Variants in FAM228B observed in about 807,000 individuals in gnomAD.
The protein encoded by FAM228B is family with sequence similarity 228 member B.
FAM228B carries 38 observed loss-of-function variants against 42.6 expected under a neutral mutation model. That is an observed-to-expected ratio of 0.89 (90% CI 0.69 to 1.17). FAM228B has a LOEUF of 1.17. Ranked by LOEUF, FAM228B falls within the 50% of genes most tolerant of loss-of-function variation. FAM228B has a pLI of 0.00. For synonymous variants in FAM228B, 109 were observed against 122.3 expected (o/e 0.89, Z 0.72); for missense variants, 344 against 367.3 (o/e 0.94, Z 0.52).
At chr2:24,161,478 CCTT>C (rs1157655899) in intron 7 of FAM228B, 25 bp from the exon 8 acceptor site, 5 of 1,309,550 alleles carry the variant, frequency 3.8e-6, no homozygotes, top group Non-Finnish European at 5.3e-6. Flanking sequence ...AACAAAAAAA[CCTT>C]CTCACACTTG....
chr2:24,077,281 C>T lies in FAM228B; in HGVS notation c.-290+312C>T, dbSNP rs1234867361. Among the ~76,000 whole-genome samples the T allele has an allele frequency of 1.3e-5, 2 of 152,016 alleles. No individual in the cohort carries two copies. Among genetic ancestry groups the T allele is most frequent in the African/African-American group, 4.8e-5 (2 of 41,382 alleles). On this transcript the variant is annotated intron_variant, in intron 1 of 10. Transcript: ENST00000613899. The surrounding 1 kb of genome is among the most constrained non-coding windows in gnomAD (Gnocchi z 5.5). ...TGTGGGGTTCTGGCGGCTTGTGTCA[C>T]GGCTGACGCTGTAACTATACCCAGA...
Position 24,095,285 on chromosome 2 carries a change from G to T in FAM228B, c.-121+56G>T. On this transcript the variant is annotated intron_variant, in intron 3 of 10. Coordinates refer to the FAM228B transcript ENST00000613899. This position sits in a 1 kb window ranked among gnomAD's most constrained non-coding sequence, Gnocchi z 4.8. ...GACAGTGGGTGCAGCCCACGGATGGGGAGCTGAAGCAGGGCAGGGCGTCAC... is the reference window on the plus strand; with the variant it reads ...GACAGTGGGTGCAGCCCACGGATGGTGAGCTGAAGCAGGGCAGGGCGTCAC... 1 of 152,366 alleles carries T rather than the reference G, an allele frequency of 6.6e-6. No individual in the cohort carries two copies. Among genetic ancestry groups the T allele is most frequent in the Non-Finnish European group, 1.5e-5 (1 of 68,078 alleles). The allele number at this position is 152,366 out of a possible 1,614,324, so 9.4% of individuals were successfully genotyped here. A position where few individuals can be genotyped will look rare whatever the true frequency, so the allele number is the denominator to read the frequency against.
intron 3 of FAM228B, among the ~76,000 whole-genome samples, chr2:24,114,096 A>G (rs1295334401): frequency 6.6e-6 from 1 of 152,212 alleles, no homozygotes; most frequent in East Asian, 1.9e-4. Flanking sequence ...TTTTGTAAAT[A>G]CCAGCAAAAG....
At chr2:24,100,177 C>G (rs1242283217) in intron 3 of FAM228B, among the ~76,000 whole-genome samples, 1 of 152,062 alleles carries the variant, frequency 6.6e-6, no homozygotes, top group East Asian at 1.9e-4. Context: ...AGAAGAAAAC[C>G]TAGGCAATAC....
intron 1 of FAM228B, 68 bp downstream of exon 1, chr2:24,123,601 C>G (rs868106207): frequency 6.6e-6 from 1 of 151,982 alleles, no homozygotes; most frequent in Non-Finnish European, 1.5e-5. Context: ...TCGGACGGCT[C>G]CGGGGTCGTC....
chr2:24,133,830 T>C (rs146771329), intron 2 of FAM228B, among the ~76,000 whole-genome samples: 5 of 152,262 alleles, frequency 3.3e-5, no homozygotes, highest in Admixed American at 1.3e-4. Flanking sequence ...AAGCATTGCT[T>C]GAGCTCAGGA....
At chr2:24,166,041 TAAAAAAAA>T (rs1165834652) in intron 9 of FAM228B, 3 of 97,492 alleles carry the variant, frequency 3.1e-5, no homozygotes, top group African/African-American at 1.0e-4. Context: ...GAACTCTGTC[TAAAAAAAA>T]AAAAAATATA....
chr2:24,145,769 A>G (rs549798944), intron 5 of FAM228B, among the ~76,000 whole-genome samples: 2 of 148,908 alleles, frequency 1.3e-5, no homozygotes, highest in East Asian at 2.0e-4. Context: ...CAGTGTCGCA[A>G]GCTCCACCTC....
intron 9 of FAM228B, among the ~76,000 whole-genome samples, 166 bp downstream of exon 9, chr2:24,164,501 G>T (rs552199699): frequency 1.2e-4 from 18 of 152,242 alleles, no homozygotes; most frequent in African/African-American, 4.1e-4. Context: ...TATTCAGAGG[G>T]AATGGAGAGG....
At chr2:24,153,381 G>A (rs969605803) in intron 7 of FAM228B, among the ~76,000 whole-genome samples, 3 of 152,118 alleles carry the variant, frequency 2.0e-5, no homozygotes, top group African/African-American at 7.2e-5. Flanking sequence ...GGTTTTCAGG[G>A]CCCAAGGGCT....
intron 2 of FAM228B, among the ~76,000 whole-genome samples, chr2:24,127,854 G>A (rs541466958): frequency 6.6e-6 from 1 of 152,224 alleles, no homozygotes; most frequent in African/African-American, 2.4e-5. Flanking sequence ...GAAGAGTTGA[G>A]GTTTCACCAT....
chr2:24,133,818 A>G (rs1218130553), intron 2 of FAM228B, among the ~76,000 whole-genome samples: 5 of 152,302 alleles, frequency 3.3e-5, no homozygotes, highest in Non-Finnish European at 5.9e-5. Context: ...AGGCTGAGGT[A>G]GAAGCATTGC....
intron 2 of FAM228B, among the ~76,000 whole-genome samples, chr2:24,125,574 T>A (rs1342096173): frequency 6.6e-6 from 1 of 151,912 alleles, no homozygotes; most frequent in East Asian, 1.9e-4. Flanking sequence ...TTCCTTTTCT[T>A]TTTCTTTTCT....
intron 3 of FAM228B, among the ~76,000 whole-genome samples, chr2:24,116,236 G>A (rs941282722): frequency 1.3e-5 from 2 of 152,080 alleles, no homozygotes; most frequent in Non-Finnish European, 2.9e-5. Context: ...GCTGAGGCAG[G>A]AGAATTGCTT....
At chr2:24,122,542 T>C, upstream of FAM228B, 1 of 1,597,974 alleles carries the variant, frequency 6.3e-7, no homozygotes, top group Non-Finnish European at 8.6e-7. Flanking sequence ...TCATGTTCCC[T>C]CAACTCTGAA....
At chr2:24,136,653 G>A (rs191466583) in intron 3 of FAM228B, among the ~76,000 whole-genome samples, 10 of 152,238 alleles carry the variant, frequency 6.6e-5, no homozygotes, top group Admixed American at 1.3e-4. Context: ...GTGAGCCACC[G>A]CACCTAGTGT....
At chr2:24,109,281 T>C (rs1189789096) in intron 3 of FAM228B, among the ~76,000 whole-genome samples, 1 of 151,144 alleles carries the variant, frequency 6.6e-6, no homozygotes, top group African/African-American at 2.4e-5. Context: ...CCTTACACCA[T>C]ATACAAAATC....
intron 2 of FAM228B, among the ~76,000 whole-genome samples, chr2:24,131,567 G>A (rs1367614905): frequency 6.6e-6 from 1 of 151,998 alleles, no homozygotes; most frequent in Non-Finnish European, 1.5e-5. Context: ...TATATTCCTA[G>A]GTATTTTATT....
chr2:24,079,289 C>T lies in FAM228B; in HGVS notation c.-289-1587C>T, dbSNP rs1040771649. Reference sequence around the variant, plus strand: ...CTATCAACCAATCTGAATCAGTTCTCTGAAATCGGGTTCCCTCTTTATCTT... The same window carrying T: ...CTATCAACCAATCTGAATCAGTTCTTTGAAATCGGGTTCCCTCTTTATCTT... On this transcript the variant is annotated intron_variant, in intron 1 of 10. Coordinates refer to the FAM228B transcript ENST00000613899. The T allele has an allele frequency of 1.2e-5, 9 of 722,192 alleles. No homozygotes were observed. In the South Asian group the frequency reaches 1.6e-4, roughly 13 times the overall value. 44.7% of individuals were successfully genotyped at this position (722,192 alleles called of 1,614,324 possible).
Sources: gnomAD v4.1 joint callset for allele counts (sites outside exome capture counted in the v4.1 genomes callset) on GRCh38, gnomAD v4.1.1 for gene constraint, Gnocchi (gnomAD v3.1) non-coding constraint, MANE v1.5 for transcripts, NCBI Gene and HGNC (gene_info 2026-07-23, HGNC 2026-07-21) for gene names.